Variants in SYT16 observed in about 807,000 individuals in gnomAD.
The protein encoded by SYT16 is synaptotagmin-16.
Under a neutral mutation model 61.4 loss-of-function variants are expected in SYT16, and 42 were observed. The observed-to-expected ratio is 0.68, with a 90% confidence interval of 0.53 to 0.89. The LOEUF is 0.89. SYT16 is among the 40% of genes least tolerant of loss of function. The pLI, the probability that SYT16 is intolerant of heterozygous loss-of-function variation, is 0.00. For synonymous variants in SYT16, 314 were observed against 302.3 expected, an observed-to-expected ratio of 1.04 and a Z score of -0.40; for missense variants, 804 against 807.3, an observed-to-expected ratio of 1.00 and a Z score of 0.05.
chr14:61,950,563 G>C (rs1266423182), intron 1 of SYT16, among the ~76,000 whole-genome samples: 1 of 152,154 alleles, frequency 6.6e-6, no homozygotes, highest in East Asian at 1.9e-4. Context: ...CAAGTGGGTG[G>C]AAATTTTCTA....
chr14:61,900,731 T>C (rs1329258423), intron 1 of SYT16, among the ~76,000 whole-genome samples: 5 of 152,282 alleles, frequency 3.3e-5, no homozygotes, highest in African/African-American at 1.2e-4. Flanking sequence ...CCTTGCATGG[T>C]GTTTTCATCA....
intron 2 of SYT16, among the ~76,000 whole-genome samples, chr14:61,974,217 A>G (rs2051687675): frequency 6.6e-6 from 1 of 152,102 alleles, no homozygotes; most frequent in Non-Finnish European, 1.5e-5. Context: ...ATAGCAGAGG[A>G]ATGAGTCAAT....
At chr14:62,069,237 C>G (rs2056194812) in intron 3 of SYT16, among the ~76,000 whole-genome samples, 1 of 152,228 alleles carries the variant, frequency 6.6e-6, no homozygotes, top group African/African-American at 2.4e-5. Context: ...TTGACTAGAA[C>G]TGCATATAAG....
intron 1 of SYT16, among the ~76,000 whole-genome samples, chr14:61,947,863 G>A (rs916775735): frequency 2.0e-5 from 3 of 152,292 alleles, no homozygotes; most frequent in African/African-American, 4.8e-5. Flanking sequence ...TTGTAGAGGC[G>A]TTGACTTTCC....
chr14:61,865,129 C>A, intron 1 of SYT16: 1 of 1,292,996 alleles, frequency 7.7e-7, no homozygotes, highest in South Asian at 1.2e-5. Context: ...TCTGTGGCTC[C>A]TCAGCCACCG....
intron 1 of SYT16, among the ~76,000 whole-genome samples, chr14:61,863,253 T>C (rs753178770): frequency 1.3e-5 from 2 of 151,700 alleles, no homozygotes; most frequent in African/African-American, 2.4e-5. Context: ...TGAATGAGAG[T>C]TCCTGTTGTT....
In SYT16 at chr14:62,111,996, G is replaced by A. The variant is rs2057617055; in HGVS notation, c.*11289G>A. 1 of 152,054 alleles carries A rather than the reference G, an allele frequency of 6.6e-6. No homozygotes were observed. The highest frequency in any genetic ancestry group is 1.9e-4 in the East Asian group (1 of 5,196). 9.4% of individuals were successfully genotyped at this position (152,054 alleles called of 1,614,324 possible). On this transcript the variant is annotated 3_prime_UTR_variant, in exon 8 of 8. Coordinates refer to ENST00000683842, the MANE Select transcript of SYT16 (RefSeq NM_001367656.1). ...ATTTCTAAATTTACTTCTATCAGTG[G>A]ATAATTTGTGTATAGGAAAAGGTGT...
intron 3 of SYT16, among the ~76,000 whole-genome samples, chr14:61,998,599 ATATTTCTGT>A (rs1325690252): frequency 3.3e-5 from 5 of 152,002 alleles, no homozygotes; most frequent in Admixed American, 6.6e-5. Context: ...CAGTTGAGGA[ATATTTCTGT>A]TGTCTCTAGT....
intron 1 of SYT16, among the ~76,000 whole-genome samples, chr14:61,883,843 G>A (rs563784816): frequency 3.9e-5 from 6 of 152,268 alleles, no homozygotes; most frequent in African/African-American, 9.6e-5. Context: ...CAATCATGGC[G>A]GAAAGCAGGC....
intron 3 of SYT16, among the ~76,000 whole-genome samples, chr14:62,005,958 C>T (rs1344113897): frequency 6.6e-6 from 1 of 152,132 alleles, no homozygotes; most frequent in Non-Finnish European, 1.5e-5. Flanking sequence ...CCAATTCACT[C>T]ACAGCTTTAT....
At chr14:61,815,386 C>T (rs2045396415) in intron 1 of SYT16, among the ~76,000 whole-genome samples, 1 of 152,150 alleles carries the variant, frequency 6.6e-6, no homozygotes, top group African/African-American at 2.4e-5. Flanking sequence ...CTGAGTGCTT[C>T]CCTCAACCCC....
chr14:62,006,333 A>C (rs1167039648), intron 3 of SYT16, among the ~76,000 whole-genome samples: 1 of 152,174 alleles, frequency 6.6e-6, no homozygotes, highest in Non-Finnish European at 1.5e-5. Context: ...AGTATTAGGA[A>C]ATACGCTAGG....
intron 3 of SYT16, among the ~76,000 whole-genome samples, chr14:62,040,357 A>G (rs1296606076): frequency 6.6e-6 from 1 of 152,204 alleles, no homozygotes; most frequent in Non-Finnish European, 1.5e-5. Flanking sequence ...TCTGCCTGCT[A>G]CAACACATAC....
intron 1 of SYT16, among the ~76,000 whole-genome samples, chr14:61,868,830 C>T (rs2047240705): frequency 6.6e-6 from 1 of 151,912 alleles, no homozygotes; most frequent in Non-Finnish European, 1.5e-5. Flanking sequence ...TGTTTTATAT[C>T]CTTACTGAAT....
chr14:61,832,706 A>C (rs530029435), intron 1 of SYT16, among the ~76,000 whole-genome samples: 41 of 152,268 alleles, frequency 2.7e-4, no homozygotes, highest in African/African-American at 9.4e-4. Flanking sequence ...TCAAGGTGTT[A>C]GGATTACATG....
intron 1 of SYT16, among the ~76,000 whole-genome samples, chr14:61,879,268 C>T (rs1002213344): frequency 1.3e-5 from 2 of 152,082 alleles, no homozygotes; most frequent in Non-Finnish European, 2.9e-5. Flanking sequence ...GAAAAGTGTG[C>T]CTTTTCTTGT....
chr14:61,855,913 A>C (rs28366569), intron 1 of SYT16, among the ~76,000 whole-genome samples: 3 of 152,378 alleles, frequency 2.0e-5, no homozygotes, highest in African/African-American at 7.2e-5. Context: ...AGCTGAAAAA[A>C]AGACTCTTAC....
At chr14:62,079,316 C>T (rs1328842430) in intron 5 of SYT16, 1 of 1,142,454 alleles carries the variant, frequency 8.8e-7, no homozygotes. Context: ...ACTTATTTTA[C>T]AAGAAATCTA....
chr14:61,891,240 G>GCACACACA (rs1555353023), intron 1 of SYT16, among the ~76,000 whole-genome samples: 2 of 85,760 alleles, frequency 2.3e-5, no homozygotes, highest in Non-Finnish European at 4.3e-5. Context: ...ATACACACAC[G>GCACACACA]CGCACACACA....
Sources: gnomAD v4.1 joint callset for allele counts (sites outside exome capture counted in the v4.1 genomes callset) on GRCh38, gnomAD v4.1.1 for gene constraint, MANE v1.5 for transcripts, NCBI Gene and HGNC (gene_info 2026-07-23, HGNC 2026-07-21) for gene names.